Variants in DOCK7 observed in about 807,000 individuals in gnomAD.
The protein encoded by DOCK7 is dedicator of cytokinesis 7.
DOCK7 carries 138 observed loss-of-function variants against 271.0 expected under a neutral mutation model. The ratio of observed to expected loss-of-function variants is 0.51; its 90% CI spans 0.44 to 0.59. DOCK7 has a LOEUF of 0.59. Among genes scored for constraint, DOCK7 ranks in the 20% least tolerant of loss-of-function variants. The pLI is 0.00. For synonymous variants in DOCK7, 823 were observed against 876.1 expected, an observed-to-expected ratio of 0.94 and a Z score of 1.07; for missense variants, 2,066 against 2,592.4, an observed-to-expected ratio of 0.80 and a Z score of 4.41.
At chr1:62,610,995 C>T (rs1348280037) in intron 14 of DOCK7, among the ~76,000 whole-genome samples, 3 of 152,124 alleles carry the variant, frequency 2.0e-5, no homozygotes, top group Non-Finnish European at 4.4e-5. Context: ...ATTACTGGGT[C>T]AAATGGTATT....
chr1:62,463,179 A>C (rs1645580634), intron 48 of DOCK7, among the ~76,000 whole-genome samples: 1 of 152,198 alleles, frequency 6.6e-6, no homozygotes, highest in African/African-American at 2.4e-5. Context: ...CAGAGGAGGG[A>C]AGAGAAATGG....
chr1:62,510,804 A>G (rs1007740557), intron 33 of DOCK7, 131 bp from the exon 34 acceptor site: 1 of 539,276 alleles, frequency 1.9e-6, no homozygotes, highest in Non-Finnish European at 3.1e-6. Flanking sequence ...TACAAGTTGA[A>G]AAACCTGACA....
intron 34 of DOCK7, among the ~76,000 whole-genome samples, chr1:62,510,092 T>G (rs935447200): frequency 6.6e-6 from 1 of 152,222 alleles, no homozygotes; most frequent in Non-Finnish European, 1.5e-5. Flanking sequence ...TGCAGCCACT[T>G]GGGCAGTAAG....
At position 62,597,315 on chromosome 1, in the gene DOCK7, C is replaced by G. The variant is rs191171206; in HGVS notation, c.1683-10691G>C. Among the ~76,000 whole-genome samples, 314 of 152,192 alleles carry G rather than the reference C, an allele frequency of 2.1e-3. 2 individuals are homozygous for G. The highest frequency in any genetic ancestry group is 7.2e-3 in the African/African-American group (299 of 41,534). Reference sequence around the variant, plus strand: ...ATTGAATGTGTAGTTTATAATACAGCAAAGTTAAATACAATTTCAAATTAC... The same window carrying G: ...ATTGAATGTGTAGTTTATAATACAGGAAAGTTAAATACAATTTCAAATTAC... On this transcript the variant is annotated intron_variant, in intron 14 of 49. Transcript: ENST00000635253.
At chr1:62,627,492 G>GAA (rs1417464128) in intron 11 of DOCK7, 4 of 151,772 alleles carry the variant, frequency 2.6e-5, no homozygotes, top group African/African-American at 9.7e-5. Context: ...AAAATCTGGG[G>GAA]AAAAAAACGA....
Position 62,682,123 on chromosome 1 carries a change from G to A in DOCK7, c.38+6104C>T, listed in dbSNP as rs150280891. 3.0e-4 allele frequency among the ~76,000 whole-genome samples: 46 copies of A among 151,648 alleles called. 1 individual carries two copies. Among genetic ancestry groups the A allele is most frequent in the Admixed American group, 1.1e-3 (16 of 15,222 alleles). On this transcript the variant is annotated intron_variant, in intron 1 of 49. Coordinates refer to ENST00000635253, the MANE Select transcript of DOCK7 (RefSeq NM_001367561.1). ...TTGTGGAGGTACAGTGAAAACACCA[G>A]ACTGACTGGAGGACAATATGTAAAC...
chr1:62,686,899 G>A (rs1411480644), intron 1 of DOCK7, among the ~76,000 whole-genome samples: 1 of 151,062 alleles, frequency 6.6e-6, no homozygotes, highest in Non-Finnish European at 1.5e-5. Context: ...AAAAGCCTCT[G>A]CCTCGAAAGC....
chr1:62,535,708 A>G, intron 28 of DOCK7, 76 bp from the exon 29 acceptor site: 1 of 1,396,932 alleles, frequency 7.2e-7, no homozygotes, highest in Non-Finnish European at 9.6e-7. Context: ...AATATAAGAA[A>G]TGAAATACTT....
Position 62,542,656 on chromosome 1 carries a change from G to A in DOCK7, c.2997C>T (p.Ser999=), listed in dbSNP as rs765019421. Residue 999 remains serine (S), a synonymous_variant, in exon 25 of 50, where the codon AGC becomes AGT. Coordinates refer to ENST00000635253, the MANE Select transcript of DOCK7 (RefSeq NM_001367561.1). ...LALQWVVCSG[S]VRESALQQAW... ...CTTGTTGCAAAGCTGATTCCCGAACGCTGCCACTGCAAACAACCCACTGCA... is the reference window on the plus strand; with the variant it reads ...CTTGTTGCAAAGCTGATTCCCGAACACTGCCACTGCAAACAACCCACTGCA... 1.2e-5 allele frequency: 20 copies of A among 1,612,562 alleles called. No individual in the cohort carries two copies. In the East Asian group the frequency reaches 1.8e-4, roughly 14 times the overall value.
chr1:62,539,608 A>G lies in DOCK7; in HGVS notation c.3237T>C (p.Asn1079=). The change falls in exon 27 of 50, where the codon AAT becomes AAC. Residue 1079 remains asparagine, a synonymous_variant. Transcript: ENST00000635253. The part of the protein sequence containing the change: ...RLNTSLAFFL[N]DLLSVMDRGF... ...CTCTGTCCATAACAGACAACAGATC[A>G]TTGAGAAAGAATGCAAGGCTTGTAT... The G allele has an allele frequency of 6.2e-7, 1 of 1,613,988 alleles. No individual in the cohort carries two copies. Among genetic ancestry groups the G allele is most frequent in the Non-Finnish European group, 8.5e-7 (1 of 1,179,928 alleles).
chr1:62,674,478 G>A (rs539973517), intron 1 of DOCK7, among the ~76,000 whole-genome samples: 3 of 152,062 alleles, frequency 2.0e-5, no homozygotes, highest in Non-Finnish European at 2.9e-5. Flanking sequence ...ATATGAAAAT[G>A]CAAAAAATCC....
At chr1:62,613,400 G>C (rs919550884) in intron 14 of DOCK7, among the ~76,000 whole-genome samples, 21 of 152,124 alleles carry the variant, frequency 1.4e-4, no homozygotes, top group Admixed American at 2.6e-4. Context: ...GCAAATAAAT[G>C]TGACCAGCTG....
chr1:62,597,782 T>G (rs775299081), intron 14 of DOCK7: 2 of 1,613,492 alleles, frequency 1.2e-6, no homozygotes, highest in Admixed American at 3.3e-5. Flanking sequence ...ATGACATATT[T>G]CAAAAACTCA....
At chr1:62,549,214 A>G (rs561821656) in intron 22 of DOCK7, among the ~76,000 whole-genome samples, 2 of 152,328 alleles carry the variant, frequency 1.3e-5, no homozygotes, top group East Asian at 1.9e-4. Flanking sequence ...AATAAATCAC[A>G]GAGGAAAAAA....
Position 62,540,022 on chromosome 1 carries a change from A to C in DOCK7, c.3046-130T>G, listed in dbSNP as rs1390070800. The C allele has an allele frequency of 5.0e-6, 3 of 595,388 alleles. No individual in the cohort carries two copies. In the Admixed American group the frequency reaches 1.1e-4, roughly 23 times the overall value. The allele number at this position is 595,388 out of a possible 1,614,324, so 36.9% of individuals were successfully genotyped here. On this transcript the variant is annotated intron_variant, in intron 25 of 49. Coordinates refer to ENST00000635253, the MANE Select transcript of DOCK7 (RefSeq NM_001367561.1). ...ATGACTGAAATATTTTTAGCTTCTC[A>C]AATATTTTTTAAAGTTCCCTACAAT...
At chr1:62,549,575 G>T (rs1053169834) in intron 22 of DOCK7, among the ~76,000 whole-genome samples, 1 of 152,058 alleles carries the variant, frequency 6.6e-6, no homozygotes. Context: ...TGATAAAGAT[G>T]TATCATGTGT....
At chr1:62,656,836 G>A (rs1658076587) in intron 2 of DOCK7, among the ~76,000 whole-genome samples, 1 of 152,066 alleles carries the variant, frequency 6.6e-6, no homozygotes, top group Non-Finnish European at 1.5e-5. Flanking sequence ...CCAGCCAAAA[G>A]ATCAAAAAAG....
At chr1:62,620,975 CAG>C (rs965933135) in intron 12 of DOCK7, among the ~76,000 whole-genome samples, 1 of 142,552 alleles carries the variant, frequency 7.0e-6, no homozygotes, top group Non-Finnish European at 1.6e-5. Context: ...AGACATAAAA[CAG>C]AATCAAAAAG....
intron 31 of DOCK7, among the ~76,000 whole-genome samples, chr1:62,527,889 A>AC (rs1645060763): frequency 6.6e-6 from 1 of 151,526 alleles, no homozygotes; most frequent in Non-Finnish European, 1.5e-5. Flanking sequence ...AAAAAAAAAA[A>AC]AGAAATGAAC....
Sources: gnomAD v4.1 joint callset for allele counts (sites outside exome capture counted in the v4.1 genomes callset) on GRCh38, gnomAD v4.1.1 for gene constraint, MANE v1.5 for transcripts, NCBI Gene and HGNC (gene_info 2026-07-23, HGNC 2026-07-21) for gene names.